The following NAV3 variants were observed in gnomAD, a reference collection of about 807,000 sequenced individuals.
The protein encoded by NAV3 is neuron navigator 3.
NAV3 carries 87 observed loss-of-function variants against 244.7 expected under a neutral mutation model. The ratio of observed to expected loss-of-function variants is 0.36; its 90% CI spans 0.30 to 0.42. NAV3 has a LOEUF of 0.42. NAV3 is among the 20% of genes least tolerant of loss of function. The pLI is 1.00. For synonymous variants in NAV3, 1,126 were observed against 1,042.2 expected, an observed-to-expected ratio of 1.08 and a Z score of -1.55; for missense variants, 2,663 against 2,893.3, an observed-to-expected ratio of 0.92 and a Z score of 1.83.
At chr12:77,812,403 TC>T (rs1182217084) in intron 2 of NAV3, among the ~76,000 whole-genome samples, 1 of 152,020 alleles carries the variant, frequency 6.6e-6, no homozygotes, top group Non-Finnish European at 1.5e-5. Flanking sequence ...TTCATTTCTT[TC>T]TTTTTTTTTT....
chr12:77,652,583 C>T (rs1872876817), intron 2 of NAV3, among the ~76,000 whole-genome samples: 1 of 152,282 alleles, frequency 6.6e-6, no homozygotes, highest in East Asian at 1.9e-4. Context: ...AAAAATCATA[C>T]ATTTATCAAA....
chr12:77,705,098 T>G (rs1442546509), intron 2 of NAV3, among the ~76,000 whole-genome samples: 1 of 152,162 alleles, frequency 6.6e-6, no homozygotes, highest in Non-Finnish European at 1.5e-5. Flanking sequence ...CAAGACCCTC[T>G]TTTAAGAGTA....
chr12:78,131,129 C>A (rs1593714935), intron 18 of NAV3: 1 of 152,282 alleles, frequency 6.6e-6, no homozygotes, highest in Non-Finnish European at 1.5e-5. Context: ...AAATTCTAAT[C>A]ATGCACCTAC....
chr12:77,577,630 A>G (rs1031537653), intron 2 of NAV3, among the ~76,000 whole-genome samples: 17 of 152,196 alleles, frequency 1.1e-4, no homozygotes, highest in African/African-American at 3.4e-4. Context: ...CCCAAGATAT[A>G]TAACACTCAA....
chr12:77,991,899 C>T (rs997442530), intron 5 of NAV3, among the ~76,000 whole-genome samples: 17 of 151,894 alleles, frequency 1.1e-4, no homozygotes, highest in Non-Finnish European at 1.8e-4. Context: ...GATGTGGTGG[C>T]GGGTGCCTGT....
intron 2 of NAV3, among the ~76,000 whole-genome samples, 170 bp from the exon 3 acceptor site, chr12:77,940,911 C>T (rs144772328): frequency 6.6e-6 from 1 of 152,114 alleles, no homozygotes; most frequent in African/African-American, 2.4e-5. Flanking sequence ...ATAGAATTGG[C>T]AGCTGCTAAT....
Position 78,049,978 on chromosome 12 carries a change from A to G in NAV3, c.2024-15A>G. 6.3e-7 allele frequency: 1 copy of G among 1,575,582 alleles called. No homozygotes were observed. The highest frequency in any genetic ancestry group is 8.6e-7 in the Non-Finnish European group (1 of 1,156,800). ...AAATGTCATGAATAGCAAATTTATC[A>G]TATTGCTTTCCTAGGTGAAGACCCT... On this transcript the variant is annotated splice_polypyrimidine_tract_variant and intron_variant, in intron 9 of 39. Transcript: ENST00000397909.
intron 5 of NAV3, among the ~76,000 whole-genome samples, chr12:77,976,666 C>CTTTCTTTCT (rs1446044531): frequency 3.4e-4 from 20 of 58,054 alleles, no homozygotes; most frequent in African/African-American, 1.0e-3. Context: ...TTCTTTCTTT[C>CTTTCTTTCT]TTTTTTTCTT....
chr12:77,989,425 C>T (rs1871088058), intron 5 of NAV3, among the ~76,000 whole-genome samples: 1 of 152,094 alleles, frequency 6.6e-6, no homozygotes, highest in South Asian at 2.1e-4. Flanking sequence ...CATTGGGCTT[C>T]CTATGGAAGC....
At chr12:78,112,932 A>G (rs1340550875) in intron 12 of NAV3, among the ~76,000 whole-genome samples, 1 of 152,214 alleles carries the variant, frequency 6.6e-6, no homozygotes, top group Non-Finnish European at 1.5e-5. Context: ...TAGATACAAT[A>G]GGGTCACAGT....
At chr12:77,688,543 G>A (rs1874863350) in intron 2 of NAV3, among the ~76,000 whole-genome samples, 1 of 152,018 alleles carries the variant, frequency 6.6e-6, no homozygotes, top group Non-Finnish European at 1.5e-5. Flanking sequence ...TTTGGTTGAG[G>A]AATCAGTAAG....
At chr12:77,590,132 T>C (rs1242222862) in intron 2 of NAV3, among the ~76,000 whole-genome samples, 2 of 152,206 alleles carry the variant, frequency 1.3e-5, no homozygotes, top group African/African-American at 4.8e-5. Flanking sequence ...TAGAGTCATC[T>C]TTCCATATCA....
rs58256450 is a variant in NAV3 at position 78,076,281 on chromosome 12, T to C, written c.2636+17166T>C. Among the ~76,000 whole-genome samples the C allele has an allele frequency of 4.9e-3, 740 of 152,326 alleles. 6 individuals are homozygous for C. Among genetic ancestry groups the C allele is most frequent in the African/African-American group, 0.016 (681 of 41,578 alleles). Reference sequence around the variant, plus strand: ...TACCAATTCTGGTTTCCTTCGTATCTCTTATTTATCCTCCAAGACTCACTT... The same window carrying C: ...TACCAATTCTGGTTTCCTTCGTATCCCTTATTTATCCTCCAAGACTCACTT... On this transcript the variant is annotated intron_variant, in intron 12 of 39. Coordinates refer to ENST00000397909, the MANE Select transcript of NAV3 (RefSeq NM_001024383.2).
intron 1 of NAV3, among the ~76,000 whole-genome samples, chr12:77,875,998 T>A (rs1219671865): frequency 6.6e-6 from 1 of 152,042 alleles, no homozygotes; most frequent in Non-Finnish European, 1.5e-5. Context: ...AGAATGACAC[T>A]GAAATTTGTT....
chr12:77,967,333 C>A (rs897680798), intron 4 of NAV3, among the ~76,000 whole-genome samples: 8 of 151,994 alleles, frequency 5.3e-5, no homozygotes, highest in African/African-American at 1.9e-4. Flanking sequence ...TAAACAAAAT[C>A]TTTCAGGTTT....
rs1366642780 is a variant in NAV3 at position 77,729,056 on chromosome 12, T to C, written c.72+156790T>C. ...TGTATTGTAAGAATATAGTATATAA[T>C]ACATGTAACATGCAAAATATATGTT... On this transcript the variant is annotated intron_variant, in intron 2 of 8. Coordinates refer to the NAV3 transcript ENST00000550042. Among the ~76,000 whole-genome samples the C allele has an allele frequency of 5.3e-5, 8 of 152,208 alleles. No homozygotes were observed. The East Asian group carries it at 1.4e-3, about 26-fold the overall frequency.
At chr12:77,717,441 T>C (rs1876412334) in intron 2 of NAV3, among the ~76,000 whole-genome samples, 1 of 152,138 alleles carries the variant, frequency 6.6e-6, no homozygotes, top group African/African-American at 2.4e-5. Flanking sequence ...TGTTATAGCA[T>C]ATTATAGAAT....
intron 2 of NAV3, among the ~76,000 whole-genome samples, chr12:77,744,701 G>GTA (rs1868446806): frequency 6.6e-6 from 1 of 151,642 alleles, no homozygotes; most frequent in African/African-American, 2.4e-5. Flanking sequence ...AGATTATAGA[G>GTA]TATCAAACCT....
intron 1 of NAV3, among the ~76,000 whole-genome samples, chr12:77,880,655 A>G (rs951348611): frequency 1.3e-5 from 2 of 152,176 alleles, no homozygotes; most frequent in African/African-American, 4.8e-5. Flanking sequence ...TTGTGGTACC[A>G]TAAGATTATA....
Sources: allele counts gnomAD v4.1 joint callset (sites outside exome capture counted in the v4.1 genomes callset), GRCh38; gene constraint gnomAD v4.1.1; transcripts MANE v1.5; gene names NCBI Gene and HGNC (gene_info 2026-07-23, HGNC 2026-07-21).